The following MAGI2 variants were observed in gnomAD, a reference collection of about 807,000 sequenced individuals.
MAGI2 encodes the protein membrane associated guanylate kinase, WW and PDZ domain containing 2, also known as membrane-associated guanylate kinase, WW and PDZ domain-containing protein 2.
MAGI2 carries 35 observed loss-of-function variants against 133.3 expected under a neutral mutation model. That is an observed-to-expected ratio of 0.26 (90% CI 0.20 to 0.35). The LOEUF (loss-of-function observed/expected upper bound fraction) is 0.35. Among genes scored for constraint, MAGI2 ranks in the 10% least tolerant of loss-of-function variants. The pLI is 1.00. For synonymous variants in MAGI2, 729 were observed against 710.6 expected, an observed-to-expected ratio of 1.03 and a Z score of -0.41; for missense variants, 1,636 against 1,863.4, an observed-to-expected ratio of 0.88 and a Z score of 2.25.
intron 2 of MAGI2, among the ~76,000 whole-genome samples, chr7:78,642,942 C>T (rs1005819920): frequency 4.6e-5 from 7 of 152,110 alleles, no homozygotes; most frequent in African/African-American, 1.7e-4. Context: ...ATGAGAGCAG[C>T]AGGTGGGAGT....
At chr7:78,062,080 A>G (rs1484499216) in intron 21 of MAGI2, among the ~76,000 whole-genome samples, 1 of 152,206 alleles carries the variant, frequency 6.6e-6, no homozygotes, top group Admixed American at 6.5e-5. Flanking sequence ...TGTTTTGGTA[A>G]CCTACAAGCA....
At chr7:78,923,237 C>T (rs1366667092) in intron 2 of MAGI2, among the ~76,000 whole-genome samples, 2 of 152,146 alleles carry the variant, frequency 1.3e-5, no homozygotes, top group East Asian at 3.8e-4. Flanking sequence ...GTTGCCATTG[C>T]TTTTGGTGTT....
At chr7:78,775,320 TAAA>T (rs3086258) in intron 2 of MAGI2, among the ~76,000 whole-genome samples, 22 of 57,372 alleles carry the variant, frequency 3.8e-4, no homozygotes, top group African/African-American at 1.0e-3. Flanking sequence ...CGTCTCAAAT[TAAA>T]AAAAAAAAAA....
intron 1 of MAGI2, among the ~76,000 whole-genome samples, chr7:79,183,759 G>A (rs1826823885): frequency 6.6e-6 from 1 of 151,864 alleles, no homozygotes; most frequent in Admixed American, 6.6e-5. Context: ...TAGATAAATA[G>A]ATAAAGAAAA....
intron 2 of MAGI2, among the ~76,000 whole-genome samples, chr7:78,924,884 A>G (rs1374641801): frequency 6.6e-6 from 1 of 150,576 alleles, no homozygotes; most frequent in Non-Finnish European, 1.5e-5. Flanking sequence ...TTAGGAACAA[A>G]GCACTGGATT....
chr7:79,147,362 C>T (rs1174883601), intron 1 of MAGI2, among the ~76,000 whole-genome samples: 1 of 152,210 alleles, frequency 6.6e-6, no homozygotes, highest in Non-Finnish European at 1.5e-5. Flanking sequence ...GCTTGCTTTA[C>T]TCTTTCTTTT....
At chr7:78,736,813 G>A (rs1821899098) in intron 2 of MAGI2, among the ~76,000 whole-genome samples, 2 of 152,184 alleles carry the variant, frequency 1.3e-5, no homozygotes, top group South Asian at 4.1e-4. Context: ...TTTTAAGAAT[G>A]TCCCTGACCA....
intron 20 of MAGI2, among the ~76,000 whole-genome samples, chr7:78,083,535 T>A (rs148063175): frequency 1.3e-5 from 2 of 152,084 alleles, no homozygotes; most frequent in African/African-American, 4.8e-5. Context: ...AGGAAACTGA[T>A]CAAAGGACTT....
In MAGI2 at chr7:78,757,305, T is replaced by TTCTCTCTCTCTCTCTC. The variant is rs3086250; in HGVS notation, c.419-130082_419-130067dup. Among the ~76,000 whole-genome samples, 377 of 145,378 alleles carry TTCTCTCTCTCTCTCTC rather than the reference T, an allele frequency of 2.6e-3. 2 individuals are homozygous for TTCTCTCTCTCTCTCTC. Among genetic ancestry groups the TTCTCTCTCTCTCTCTC allele is most frequent in the Non-Finnish European group, 4.2e-3 (279 of 66,228 alleles). On this transcript the variant is annotated intron_variant, in intron 2 of 21. Transcript: ENST00000354212. ...TCCCTCCCTCCCTCCTTCTCCCTCC[T>TTCTCTCTCTCTCTCTC]TCTCTCTCTCTCTCTCTCTCTCCAT...
intron 3 of MAGI2, among the ~76,000 whole-genome samples, chr7:78,619,405 G>A (rs188438879): frequency 4.3e-4 from 65 of 151,824 alleles, no homozygotes; most frequent in Non-Finnish European, 8.7e-4. Context: ...CAGCTACAAT[G>A]GAACAAAAAA....
intron 13 of MAGI2, among the ~76,000 whole-genome samples, chr7:78,182,007 A>C (rs1215766128): frequency 6.6e-6 from 1 of 152,196 alleles, no homozygotes; most frequent in African/African-American, 2.4e-5. Context: ...CATTTTTATG[A>C]ATTAATTTGG....
At chr7:78,537,688 ATTTG>A (rs977132271) in intron 3 of MAGI2, among the ~76,000 whole-genome samples, 2 of 151,718 alleles carry the variant, frequency 1.3e-5, no homozygotes, top group African/African-American at 4.8e-5. Flanking sequence ...TGATGGGATT[ATTTG>A]TTTTTTTCTT....
chr7:78,162,878 T>C (rs763370075), intron 15 of MAGI2, among the ~76,000 whole-genome samples: 2 of 152,214 alleles, frequency 1.3e-5, no homozygotes, highest in South Asian at 2.1e-4. Flanking sequence ...ATCATTTTTC[T>C]ACTCATCTGG....
At chr7:79,104,509 A>G (rs1282616687) in intron 1 of MAGI2, among the ~76,000 whole-genome samples, 1 of 152,104 alleles carries the variant, frequency 6.6e-6, no homozygotes, top group African/African-American at 2.4e-5. Context: ...TCTACTAAAA[A>G]TACAAAAATT....
chr7:79,436,020 A>T (rs974860717), intron 1 of MAGI2, among the ~76,000 whole-genome samples: 2 of 152,200 alleles, frequency 1.3e-5, no homozygotes, highest in African/African-American at 4.8e-5. Flanking sequence ...CACTGGGGAA[A>T]GGACTCCCTA....
intron 18 of MAGI2, 49 bp from the exon 19 acceptor site, chr7:78,127,465 A>C: frequency 1.4e-6 from 2 of 1,452,090 alleles, no homozygotes; most frequent in Non-Finnish European, 1.9e-6. Flanking sequence ...CATTCTAAAG[A>C]GGCTAGAGTG....
chr7:79,036,035 G>A (rs1379486343), intron 1 of MAGI2, among the ~76,000 whole-genome samples: 1 of 152,180 alleles, frequency 6.6e-6, no homozygotes, highest in Admixed American at 6.5e-5. Flanking sequence ...ACAGGAAGAA[G>A]TGCCCATCAG....
intron 2 of MAGI2, among the ~76,000 whole-genome samples, chr7:79,005,566 TTAG>T: frequency 6.6e-6 from 1 of 152,304 alleles, no homozygotes; most frequent in Admixed American, 6.5e-5. Context: ...TGTCATCGCC[TTAG>T]CAAGGACTAC....
intron 9 of MAGI2, among the ~76,000 whole-genome samples, chr7:78,312,601 C>A (rs2151098671): frequency 6.6e-6 from 1 of 152,184 alleles, no homozygotes. Flanking sequence ...TGGCTAACAA[C>A]ATGAAAACAC....
Sources: gnomAD v4.1 joint callset for allele counts (sites outside exome capture counted in the v4.1 genomes callset) on GRCh38, gnomAD v4.1.1 for gene constraint, MANE v1.5 for transcripts, NCBI Gene and HGNC (gene_info 2026-07-23, HGNC 2026-07-21) for gene names.